Variants in ZFR2 observed in about 807,000 individuals in gnomAD.
The protein encoded by ZFR2 is zinc finger RNA binding protein 2.
In ZFR2, 104 loss-of-function variants were observed where a neutral mutation model predicts 105.7. The observed-to-expected ratio is 0.98, with a 90% confidence interval of 0.84 to 1.16. ZFR2 has a LOEUF of 1.16. Among genes scored for constraint, ZFR2 ranks in the 50% most tolerant of loss-of-function variants. The pLI, the probability that ZFR2 is intolerant of heterozygous loss-of-function variation, is 0.00. For synonymous variants in ZFR2, 634 were observed against 597.7 expected, an observed-to-expected ratio of 1.06 and a Z score of -0.89; for missense variants, 1,425 against 1,355.5, an observed-to-expected ratio of 1.05 and a Z score of -0.80.
Position 3,805,239 on chromosome 19 carries a change from A to C in ZFR2, c.*710T>G, listed in dbSNP as rs2037683866. 1 of 152,136 alleles carries C rather than the reference A, an allele frequency of 6.6e-6. No individual in the cohort carries two copies. Among genetic ancestry groups the C allele is most frequent in the Non-Finnish European group, 1.5e-5 (1 of 68,102 alleles). 9.4% of individuals were successfully genotyped at this position (152,136 alleles called of 1,614,324 possible). A position where few individuals can be genotyped will look rare whatever the true frequency, so the allele number is the denominator to read the frequency against. On this transcript the variant is annotated 3_prime_UTR_variant, in exon 19 of 19. Transcript: ENST00000262961. ...GTTTAGAGCCAGCAAGATGCCCCCG[A>C]GTTTAGAATCTGCTTGCTGTACTGC...
chr19:3,852,064 G>A (rs988752412), intron 1 of ZFR2: 1 of 262,848 alleles, frequency 3.8e-6, no homozygotes, highest in South Asian at 4.3e-5. Flanking sequence ...GGCCAGGCGG[G>A]GCTCAGCTGG....
chr19:3,856,207 G>A (rs914548093), intron 1 of ZFR2, among the ~76,000 whole-genome samples: 5 of 152,150 alleles, frequency 3.3e-5, no homozygotes, highest in African/African-American at 1.2e-4. Flanking sequence ...CCTGCCGCGG[G>A]GAAGCCAGCA....
rs1255299515 is a variant in ZFR2 at position 3,834,624 on chromosome 19, G to A, written c.264+149C>T. Reference sequence around the variant, plus strand: ...CTCTGCCCTGATTTCTCCCCACCACGGGTACGCAATGCCAGCAGAAGGGTC... The same window carrying A: ...CTCTGCCCTGATTTCTCCCCACCACAGGTACGCAATGCCAGCAGAAGGGTC... On this transcript the variant is annotated intron_variant, in intron 2 of 18. Transcript: ENST00000262961. The surrounding 1 kb of genome is among the most constrained non-coding windows in gnomAD (Gnocchi z 5.3). 4.3e-5 allele frequency: 37 copies of A among 851,484 alleles called. No homozygotes were observed. The highest frequency in any genetic ancestry group is 6.3e-5 in the Non-Finnish European group (34 of 541,510). 52.7% of individuals were successfully genotyped at this position (851,484 alleles called of 1,614,324 possible). A position where few individuals can be genotyped will look rare whatever the true frequency, so the allele number is the denominator to read the frequency against.
intron 5 of ZFR2, among the ~76,000 whole-genome samples, chr19:3,828,962 C>T (rs200705415): frequency 1.4e-5 from 2 of 139,772 alleles, no homozygotes; most frequent in African/African-American, 2.7e-5. Context: ...ACTTAGGAAT[C>T]TTTTTTTTTT....
chr19:3,868,905 G>A, intron 1 of ZFR2, 60 bp downstream of exon 1: 1 of 1,208,690 alleles, frequency 8.3e-7, no homozygotes, highest in Non-Finnish European at 1.0e-6. Flanking sequence ...GGGGTAGGCG[G>A]GGTCCCGGCC....
Position 3,819,185 on chromosome 19 carries a change from G to T in ZFR2, c.1791C>A (p.His597Gln). The T allele has an allele frequency of 6.3e-7, 1 of 1,591,156 alleles. No homozygotes were observed. ...CCTGCTCCGTGGGGTAGATGGTGGC[G>T]TGCTTGCACATGACGTGCCGGTCGT... ...SSDDRHVMCK[H>Q]ATIYPTEQEL... is the part of the protein sequence containing the mutation. Residue 597 changes from histidine (H) to glutamine (Q), a missense_variant, in exon 12 of 19, where the codon CAC (histidine) becomes CAA (glutamine). By Grantham distance (24) the His-to-Gln change is conservative (BLOSUM62 0). Coordinates refer to ENST00000262961, the MANE Select transcript of ZFR2 (RefSeq NM_015174.2).
At chr19:3,854,165 C>A (rs897607968) in intron 1 of ZFR2, among the ~76,000 whole-genome samples, 6 of 151,370 alleles carry the variant, frequency 4.0e-5, no homozygotes, top group Non-Finnish European at 7.4e-5. Context: ...CCGAGGTGGG[C>A]AGATCACTTG....
At chr19:3,811,035 A>G (rs1599219512) in intron 15 of ZFR2, among the ~76,000 whole-genome samples, 190 bp from the exon 16 acceptor site, 2 of 152,116 alleles carry the variant, frequency 1.3e-5, no homozygotes, top group East Asian at 3.9e-4. Flanking sequence ...TGGCCACGAG[A>G]CGGCAGCGTC....
At chr19:3,854,138 C>T (rs1469408502) in intron 1 of ZFR2, among the ~76,000 whole-genome samples, 3 of 151,374 alleles carry the variant, frequency 2.0e-5, no homozygotes, top group African/African-American at 7.3e-5. Context: ...CGCCTGTAAT[C>T]CCAGCACTTT....
At chr19:3,861,795 G>A (rs1368009765) in intron 1 of ZFR2, among the ~76,000 whole-genome samples, 1 of 152,106 alleles carries the variant, frequency 6.6e-6, no homozygotes, top group East Asian at 1.9e-4. Context: ...GCGTGGTGGT[G>A]CATGCCTGTA....
Position 3,813,942 on chromosome 19 carries a change from T to C in ZFR2, c.2120A>G (p.Glu707Gly). The C allele has an allele frequency of 6.2e-7, 1 of 1,613,864 alleles. No individual in the cohort carries two copies. Among genetic ancestry groups the C allele is most frequent in the South Asian group, 1.1e-5 (1 of 91,080 alleles). Residue 707 changes from glutamate to glycine, a missense_variant, in exon 14 of 19, where the codon GAG becomes GGG. Transcript: ENST00000262961. This position sits in a 1 kb window ranked among gnomAD's most constrained non-coding sequence, Gnocchi z 4.4. Reference sequence around the variant, plus strand: ...TTCAGGGTCGGAGGAGACCTCATACTCATCCTCGGTCACCATCTGGGAGGG... The same window carrying C: ...TTCAGGGTCGGAGGAGACCTCATACCCATCCTCGGTCACCATCTGGGAGGG... ...PRQLQMVTEDEYEVSSDPEAN... is the reference protein window; with the variant it reads ...PRQLQMVTEDGYEVSSDPEAN...
chr19:3,824,052 T>C (rs1218610552), intron 7 of ZFR2, among the ~76,000 whole-genome samples: 2 of 152,148 alleles, frequency 1.3e-5, no homozygotes, highest in Non-Finnish European at 2.9e-5. Flanking sequence ...AACCCAGTGC[T>C]GCGGGAGGCC....
chr19:3,855,739 CAG>C (rs2038291051), intron 1 of ZFR2: 1 of 336,148 alleles, frequency 3.0e-6, no homozygotes, highest in Admixed American at 4.9e-5. Flanking sequence ...GTTGGGGAAA[CAG>C]GGCAGCGCAT....
intron 1 of ZFR2, chr19:3,855,262 AT>A (rs1331172138): frequency 4.5e-5 from 34 of 748,602 alleles, no homozygotes; most frequent in Non-Finnish European, 5.5e-5. Context: ...ATGGAAAATC[AT>A]TTGCATTTTC....
Position 3,808,977 on chromosome 19 carries a change from C to G in ZFR2, c.2440G>C (p.Glu814Gln), listed in dbSNP as rs377478241. ...CTCACAGCCTTCTCCACCAGCAGCT[C>G]CATGGCCTGGTGGGGACAGAAGAGC... ...TWGALPAWAMELLVEKAVSSA... is the reference protein window; with the variant it reads ...TWGALPAWAMQLLVEKAVSSA... Residue 814 changes from glutamate (E) to glutamine (Q), a missense_variant, in exon 17 of 19, where the codon GAG becomes CAG. Coordinates refer to ENST00000262961, the MANE Select transcript of ZFR2 (RefSeq NM_015174.2). The G allele has an allele frequency of 7.7e-6, 12 of 1,553,972 alleles. No homozygotes were observed. In the African/African-American group the frequency reaches 1.6e-4, roughly 21 times the overall value.
Position 3,811,346 on chromosome 19 carries a change from C to T in ZFR2, c.2263G>A (p.Asp755Asn). The T allele has an allele frequency of 6.3e-7, 1 of 1,599,554 alleles. No homozygotes were observed. The highest frequency in any genetic ancestry group is 1.3e-5 in the African/African-American group (1 of 74,728). ...TDPGVEEPQA[D>N]AGDVLSPKKC... ...TTGGGGCTCAGGACATCACCTGCAT[C>T]AGCCTGAGGCTCCTCCACACCTTCT... is the stretch of plus-strand genomic sequence containing the variant. The change falls in exon 15 of 19, where the codon GAT becomes AAT. Residue 755 changes from aspartate to asparagine, a missense_variant. By Grantham distance (23) the Asp-to-Asn change is conservative (BLOSUM62 1). Transcript: ENST00000262961.
In ZFR2 at chr19:3,813,035, G is replaced by A. The variant is rs1016972134; in HGVS notation, c.2242+785C>T. ...GCGGAAGTTGCAGTGAGCTGAGATTGCGCCATTGCACTCCAGCCTGGGCAA... is the reference window on the plus strand; with the variant it reads ...GCGGAAGTTGCAGTGAGCTGAGATTACGCCATTGCACTCCAGCCTGGGCAA... On this transcript the variant is annotated intron_variant, in intron 14 of 18. Coordinates refer to ENST00000262961, the MANE Select transcript of ZFR2 (RefSeq NM_015174.2). The surrounding 1 kb of genome is among the most constrained non-coding windows in gnomAD (Gnocchi z 4.4). Among the ~76,000 whole-genome samples the A allele has an allele frequency of 1.3e-5, 2 of 152,162 alleles. No individual in the cohort carries two copies. The highest frequency in any genetic ancestry group is 2.4e-5 in the African/African-American group (1 of 41,430).
chr19:3,824,035 G>A (rs1013520194), intron 7 of ZFR2, among the ~76,000 whole-genome samples: 3 of 152,156 alleles, frequency 2.0e-5, no homozygotes, highest in African/African-American at 2.4e-5. Flanking sequence ...AGTGGCTCAT[G>A]CCTGTAAACC....
intron 1 of ZFR2, chr19:3,855,391 G>A (rs1599254055): frequency 2.4e-6 from 3 of 1,231,726 alleles, no homozygotes; most frequent in Non-Finnish European, 3.0e-6. Flanking sequence ...AATTCTGTGT[G>A]TACAAAATAC....
Sources: gnomAD v4.1 joint callset for allele counts (sites outside exome capture counted in the v4.1 genomes callset) on GRCh38, gnomAD v4.1.1 for gene constraint, Gnocchi (gnomAD v3.1) non-coding constraint, MANE v1.5 for transcripts, NCBI Gene and HGNC (gene_info 2026-07-23, HGNC 2026-07-21) for gene names.